Variants in CCT4 observed in about 807,000 individuals in gnomAD.
CCT4 encodes the protein T-complex protein 1 subunit delta.
CCT4 carries 17 observed loss-of-function variants against 62.5 expected under a neutral mutation model. The ratio of observed to expected loss-of-function variants is 0.27; its 90% CI spans 0.19 to 0.41. The LOEUF (loss-of-function observed/expected upper bound fraction) is 0.41, where lower values mean the gene tolerates loss of function less well. Among genes scored for constraint, CCT4 ranks in the 10% least tolerant of loss-of-function variants. CCT4 has a pLI of 1.00. For missense variants in CCT4, 592 were observed against 659.2 expected, an observed-to-expected ratio of 0.90 and a Z score of 1.12; for synonymous variants, 250 against 229.9, an observed-to-expected ratio of 1.09 and a Z score of -0.79.
chr2:61,875,384 C>T (rs1668976206), intron 8 of CCT4, among the ~76,000 whole-genome samples: 1 of 151,624 alleles, frequency 6.6e-6, no homozygotes, highest in African/African-American at 2.4e-5. Context: ...CGAGACCATC[C>T]TGGCTAACAT....
At position 61,873,061 on chromosome 2, in the gene CCT4, G is replaced by C. The variant is rs1168813761; in HGVS notation, c.1066C>G (p.Leu356Val). Residue 356 changes from leucine (L) to valine (V), a missense_variant, in exon 10 of 14, where the codon CTG becomes GTG. Leu to Val is a conservative substitution (Grantham distance 32). Transcript: ENST00000394440. ...AHIDQFTADMLGSAELAEEVN... is the reference protein window; with the variant it reads ...AHIDQFTADMVGSAELAEEVN... Reference sequence around the variant, plus strand: ...TCCTCAGCTAACTCAGCAGAACCCAGCATGTCAGCAGTAAATTGGTCAATA... The same window carrying C: ...TCCTCAGCTAACTCAGCAGAACCCACCATGTCAGCAGTAAATTGGTCAATA... 2 of 1,613,330 alleles carry C rather than the reference G, an allele frequency of 1.2e-6. No individual in the cohort carries two copies. Among genetic ancestry groups the C allele is most frequent in the East Asian group, 2.2e-5 (1 of 44,902 alleles).
At chr2:61,884,491 A>G (rs893413402) in intron 2 of CCT4, among the ~76,000 whole-genome samples, 2 of 151,382 alleles carry the variant, frequency 1.3e-5, no homozygotes, top group Admixed American at 6.6e-5. Context: ...TTGTATTTTT[A>G]GTAGAGACGG....
chr2:61,885,455 G>A (rs917379848), intron 1 of CCT4, among the ~76,000 whole-genome samples: 2 of 152,118 alleles, frequency 1.3e-5, no homozygotes, highest in Non-Finnish European at 2.9e-5. Flanking sequence ...TCTGTCACAA[G>A]GCTAGAGTGC....
chr2:61,872,690 G>A, intron 10 of CCT4, 102 bp from the exon 11 acceptor site: 1 of 1,154,952 alleles, frequency 8.7e-7, no homozygotes. Context: ...CACTTTGGGA[G>A]GATGAGGCGG....
At chr2:61,879,226 T>C (rs1187080508) in intron 4 of CCT4, among the ~76,000 whole-genome samples, 1 of 151,404 alleles carries the variant, frequency 6.6e-6, no homozygotes, top group Non-Finnish European at 1.5e-5. Flanking sequence ...ACACACTTAT[T>C]AATGGTCTTG....
chr2:61,877,112 A>T, intron 6 of CCT4, 60 bp from the exon 7 acceptor site: 1 of 1,421,436 alleles, frequency 7.0e-7, no homozygotes, highest in Non-Finnish European at 9.8e-7. Flanking sequence ...TGTACGTTTA[A>T]TAGATGAACA....
At chr2:61,872,962 C>T in intron 10 of CCT4, 40 bp downstream of exon 10, 1 of 1,187,344 alleles carries the variant, frequency 8.4e-7, no homozygotes, top group Non-Finnish European at 1.3e-6. Flanking sequence ...ACCCCATACC[C>T]AAACCTAAGC....
intron 2 of CCT4, 26 bp downstream of exon 2, chr2:61,884,994 T>C (rs776783134): frequency 7.1e-6 from 11 of 1,539,736 alleles, no homozygotes; most frequent in Middle Eastern, 1.7e-4. Context: ...GCTCAATTAG[T>C]AGTATTCAAT....
intron 8 of CCT4, among the ~76,000 whole-genome samples, chr2:61,873,661 G>A (rs757573009): frequency 2.0e-5 from 3 of 152,110 alleles, no homozygotes; most frequent in Non-Finnish European, 2.9e-5. Context: ...AACCTCCTGG[G>A]TTCAAGCGAT....
chr2:61,883,904 A>G (rs1159941175), intron 2 of CCT4, among the ~76,000 whole-genome samples: 1 of 152,178 alleles, frequency 6.6e-6, no homozygotes, highest in Non-Finnish European at 1.5e-5. Flanking sequence ...ATGCCCCTAA[A>G]GCAGTACCAT....
intron 5 of CCT4, among the ~76,000 whole-genome samples, chr2:61,878,465 G>C (rs934248957): frequency 2.0e-5 from 3 of 152,130 alleles, no homozygotes; most frequent in Non-Finnish European, 4.4e-5. Flanking sequence ...CTATCTGAGG[G>C]CCTTGAAGAG....
At chr2:61,874,943 A>C (rs1668965633) in intron 8 of CCT4, among the ~76,000 whole-genome samples, 1 of 151,986 alleles carries the variant, frequency 6.6e-6, no homozygotes, top group South Asian at 2.1e-4. Context: ...TTGGGAGTTC[A>C]GGACCAGCCT....
At chr2:61,871,891 A>C (rs534977303) in intron 12 of CCT4, among the ~76,000 whole-genome samples, 191 bp downstream of exon 12, 7 of 152,320 alleles carry the variant, frequency 4.6e-5, no homozygotes, top group African/African-American at 1.2e-4. Flanking sequence ...ATGAACAAAT[A>C]ATACTTCCCC....
intron 8 of CCT4, among the ~76,000 whole-genome samples, chr2:61,875,255 G>T (rs1316589053): frequency 5.3e-5 from 8 of 151,622 alleles, no homozygotes; most frequent in Admixed American, 4.6e-4. Flanking sequence ...GATTTCTGGT[G>T]GTTTACCCAA....
rs368585640 is a variant in CCT4 at position 61,872,258 on chromosome 2, A to G, written c.1315T>C (p.Tyr439His). The G allele has an allele frequency of 5.6e-6, 9 of 1,613,258 alleles. No individual in the cohort carries two copies. In the African/African-American group the frequency reaches 1.1e-4, roughly 19 times the overall value. Residue 439 changes from tyrosine to histidine, a missense_variant, in exon 12 of 14, where the codon TAT becomes CAT. Tyr to His is a moderately conservative substitution (Grantham distance 83, BLOSUM62 2). Transcript: ENST00000394440. ...TCCATACCACTCAGTGTTCGTGAAT[A>G]TTCAGTTAATCGTAGGGCCAACTCT... ...EIELALRLTE[Y>H]SRTLSGMESY...
Position 61,868,679 on chromosome 2 carries a change from T to C in CCT4, c.*13A>G. On this transcript the variant is annotated 3_prime_UTR_variant, in exon 14 of 14. Coordinates refer to ENST00000394440, the MANE Select transcript of CCT4 (RefSeq NM_006430.4). ...ATACTGGTGATCATAATGGTGCTAGTCAGTTATCCAGATTATCGAGTGTTT... is the reference window on the plus strand; with the variant it reads ...ATACTGGTGATCATAATGGTGCTAGCCAGTTATCCAGATTATCGAGTGTTT... The C allele has an allele frequency of 1.9e-6, 3 of 1,582,116 alleles. No individual in the cohort carries two copies. In the Admixed American group the frequency reaches 5.0e-5, roughly 26 times the overall value.
chr2:61,886,854 G>C (rs879670999), intron 1 of CCT4, among the ~76,000 whole-genome samples: 6 of 151,956 alleles, frequency 3.9e-5, no homozygotes, highest in Admixed American at 2.0e-4. Context: ...CCGCCTCCCA[G>C]GTTCAAGCTA....
At chr2:61,870,817 G>A (rs1317373184) in intron 12 of CCT4, among the ~76,000 whole-genome samples, 1 of 152,058 alleles carries the variant, frequency 6.6e-6, no homozygotes, top group Non-Finnish European at 1.5e-5. Flanking sequence ...AGCTACTCAG[G>A]AGGCTGAGGC....
rs1669215807 is a variant in CCT4 at position 61,885,003 on chromosome 2, A to G, written c.180+17T>C. On this transcript the variant is annotated intron_variant, in intron 2 of 13. Transcript: ENST00000394440. ...AGCAGTGCTCAATTAGTAGTATTCA[A>G]TGACTCAACTCTTTACCATTTTATC... 3 of 1,571,042 alleles carry G rather than the reference A, an allele frequency of 1.9e-6. No individual in the cohort carries two copies. The highest frequency in any genetic ancestry group is 1.4e-5 in the African/African-American group (1 of 72,630).
Sources: gnomAD v4.1 joint callset for allele counts (sites outside exome capture counted in the v4.1 genomes callset) on GRCh38, gnomAD v4.1.1 for gene constraint, MANE v1.5 for transcripts, NCBI Gene and HGNC (gene_info 2026-07-23, HGNC 2026-07-21) for gene names.